IFT57: variants seen among roughly 807,000 people sequenced by gnomAD.
IFT57 encodes the protein intraflagellar transport protein 57 homolog.
A neutral mutation model predicts 56.8 loss-of-function variants in IFT57; 59 were observed. That is an observed-to-expected ratio of 1.04 (90% CI 0.84 to 1.29). IFT57 has a LOEUF of 1.29. Ranked by LOEUF, IFT57 falls within the 50% of genes most tolerant of loss-of-function variation. The probability of loss-of-function intolerance (pLI) is 0.00; values close to 1 mark genes in which losing one functional copy is unlikely to be tolerated. For synonymous variants in IFT57, 209 were observed against 186.1 expected (o/e 1.12, Z -1.00); for missense variants, 470 against 522.1 (o/e 0.90, Z 0.97).
At chr3:108,209,466 G>A (rs2080331894) in intron 4 of IFT57, among the ~76,000 whole-genome samples, 1 of 152,212 alleles carries the variant, frequency 6.6e-6, no homozygotes, top group East Asian at 1.9e-4. Flanking sequence ...TGGATGGTAA[G>A]TTGACAAGGG....
chr3:108,171,803 T>G (rs1289336760), intron 6 of IFT57, among the ~76,000 whole-genome samples: 1 of 151,676 alleles, frequency 6.6e-6, no homozygotes, highest in African/African-American at 2.4e-5. Context: ...TAATTTTTTT[T>G]GAAAAAGTAC....
chr3:108,177,376 T>C (rs902113886), intron 6 of IFT57, among the ~76,000 whole-genome samples: 1 of 151,782 alleles, frequency 6.6e-6, no homozygotes, highest in Non-Finnish European at 1.5e-5. Context: ...CTGCATAACA[T>C]TATACCCAAA....
At chr3:108,193,088 G>A (rs1041404345) in intron 5 of IFT57, among the ~76,000 whole-genome samples, 1 of 151,948 alleles carries the variant, frequency 6.6e-6, no homozygotes, top group African/African-American at 2.4e-5. Context: ...ACAAAAACTA[G>A]GTGAACAACC....
intron 6 of IFT57, among the ~76,000 whole-genome samples, chr3:108,171,907 T>G (rs2080094755): frequency 6.6e-6 from 1 of 151,826 alleles, no homozygotes; most frequent in Non-Finnish European, 1.5e-5. Context: ...CAGTCTCTGT[T>G]TCTCTTTGCC....
chr3:108,205,959 ATATAT>A (rs1288450272), intron 5 of IFT57, among the ~76,000 whole-genome samples: 9 of 57,108 alleles, frequency 1.6e-4, no homozygotes, highest in Middle Eastern at 0.023. Context: ...TAATATATAA[ATATAT>A]TATATATTTA....
Position 108,222,228 on chromosome 3 carries a change from C to A in IFT57, c.95G>T (p.Arg32Leu). The A allele has an allele frequency of 6.2e-7, 1 of 1,614,140 alleles. No homozygotes were observed. Among genetic ancestry groups the A allele is most frequent in the Non-Finnish European group, 8.5e-7 (1 of 1,180,018 alleles). The stretch of plus-strand genomic sequence containing the variant: ...CATGTGGTAGGCCGCGCCGGGCCCC[C>A]GCTCCAAGACCACTTCCCCGGTCCC... ...GEGTGEVVLE[R>L]GPGAAYHMFV... The change falls in exon 1 of 11, where the codon CGG (arginine) becomes CTG (leucine). Residue 32 changes from arginine to leucine, a missense_variant. Transcript: ENST00000264538.
In IFT57 at chr3:108,179,584, C is replaced by G. The variant is rs141432645; in HGVS notation, c.778-11720G>C. Reference sequence around the variant, plus strand: ...TTTGCAATCTCTTCTTTTTCTCATTCGCAGAGTTTCTCATTTCATTACTGC... The same window carrying G: ...TTTGCAATCTCTTCTTTTTCTCATTGGCAGAGTTTCTCATTTCATTACTGC... On this transcript the variant is annotated intron_variant, in intron 6 of 10. Coordinates refer to ENST00000264538, the MANE Select transcript of IFT57 (RefSeq NM_018010.4). 1.6e-3 allele frequency among the ~76,000 whole-genome samples: 243 copies of G among 152,044 alleles called. 7 individuals are homozygous for G. The East Asian group carries it at 0.041, about 25-fold the overall frequency.
chr3:108,220,283 T>C (rs1298851807), intron 1 of IFT57, among the ~76,000 whole-genome samples: 4 of 152,254 alleles, frequency 2.6e-5, no homozygotes, highest in Non-Finnish European at 5.9e-5. Flanking sequence ...ATCAGTATGA[T>C]TTATACCTAA....
chr3:108,205,386 A>C (rs9836052), intron 5 of IFT57, among the ~76,000 whole-genome samples: 14,590 of 152,080 alleles, frequency 0.096, 759 homozygotes, highest in Middle Eastern at 0.12. Context: ...GTATTAGAGT[A>C]AAGTCACACA....
intron 6 of IFT57, among the ~76,000 whole-genome samples, chr3:108,178,667 T>C (rs1433888672): frequency 6.6e-6 from 1 of 151,828 alleles, no homozygotes; most frequent in African/African-American, 2.4e-5. Context: ...AACCGGGAAA[T>C]GCAAATTAAA....
At position 108,219,486 on chromosome 3, in the gene IFT57, C is replaced by T. The variant is rs1395771768; in HGVS notation, c.299G>A (p.Arg100His). ...ATATTCTTGAGGCTGCTCAAAGGGA[C>T]GTCCCGCTTTATTAATCAACCAAGC... is the stretch of plus-strand genomic sequence containing the variant. Reference protein sequence around the residue: ...LAAWLINKAGRPFEQPQEYDD... With the variant: ...LAAWLINKAGHPFEQPQEYDD... Residue 100 changes from arginine to histidine, a missense_variant, in exon 2 of 11, where the codon CGT becomes CAT. Coordinates refer to ENST00000264538, the MANE Select transcript of IFT57 (RefSeq NM_018010.4). The T allele has an allele frequency of 3.7e-6, 6 of 1,613,636 alleles. No individual in the cohort carries two copies. The highest frequency in any genetic ancestry group is 3.4e-6 in the Non-Finnish European group (4 of 1,179,628).
chr3:108,196,890 G>A (rs1272916828), intron 5 of IFT57, among the ~76,000 whole-genome samples: 1 of 152,088 alleles, frequency 6.6e-6, no homozygotes, highest in Admixed American at 6.5e-5. Flanking sequence ...CATTAACTGA[G>A]CAAGCCCTAT....
At chr3:108,188,578 A>C (rs1025849801) in intron 6 of IFT57, among the ~76,000 whole-genome samples, 1 of 152,218 alleles carries the variant, frequency 6.6e-6, no homozygotes, top group African/African-American at 2.4e-5. Context: ...CCTTTATCTG[A>C]TATTTTGGAA....
chr3:108,214,068 A>C (rs2080357904), intron 3 of IFT57, 47 bp from the exon 4 acceptor site: 2 of 1,154,596 alleles, frequency 1.7e-6, no homozygotes, highest in Non-Finnish European at 2.5e-6. Flanking sequence ...AATATTTAGT[A>C]AGACAAAAAA....
chr3:108,214,848 A>G (rs1216328623), intron 3 of IFT57, among the ~76,000 whole-genome samples: 1 of 152,096 alleles, frequency 6.6e-6, no homozygotes, highest in African/African-American at 2.4e-5. Flanking sequence ...CCCCTAGTGT[A>G]TTACTTATAA....
chr3:108,193,434 T>A (rs2080226626), intron 5 of IFT57, among the ~76,000 whole-genome samples: 1 of 152,204 alleles, frequency 6.6e-6, no homozygotes, highest in Non-Finnish European at 1.5e-5. Context: ...TGAGAATGGA[T>A]AACTAATACA....
intron 3 of IFT57, among the ~76,000 whole-genome samples, chr3:108,218,161 T>G (rs1020580807): frequency 4.6e-5 from 7 of 152,066 alleles, no homozygotes; most frequent in Non-Finnish European, 8.8e-5. Context: ...TTAATTTCCA[T>G]TTTTCCTTAA....
chr3:108,218,859 A>G (rs2080388876), intron 2 of IFT57, among the ~76,000 whole-genome samples: 1 of 152,180 alleles, frequency 6.6e-6, no homozygotes, highest in South Asian at 2.1e-4. Flanking sequence ...TATTGTTAAA[A>G]GTATCAAATT....
chr3:108,217,228 C>T (rs2107222182), intron 3 of IFT57, among the ~76,000 whole-genome samples: 1 of 151,896 alleles, frequency 6.6e-6, no homozygotes, highest in East Asian at 1.9e-4. Context: ...AGTTATGTGC[C>T]AATTAAAACT....
Sources: allele counts gnomAD v4.1 joint callset (sites outside exome capture counted in the v4.1 genomes callset), GRCh38; gene constraint gnomAD v4.1.1; transcripts MANE v1.5; gene names NCBI Gene and HGNC (gene_info 2026-07-23, HGNC 2026-07-21).